Variants in RPH3AL observed in about 807,000 individuals in gnomAD.
RPH3AL encodes the protein rabphilin 3A like (without C2 domains), also known as rab effector Noc2.
A neutral mutation model predicts 43.1 loss-of-function variants in RPH3AL; 38 were observed. The observed-to-expected ratio is 0.88, with a 90% CI of 0.68 to 1.15. The LOEUF is 1.15. RPH3AL is among the 50% of genes most tolerant of loss of function. RPH3AL has a pLI of 0.00. For missense variants in RPH3AL, 462 were observed against 423.2 expected (o/e 1.09, Z -0.81); for synonymous variants, 189 against 176.3 (o/e 1.07, Z -0.57).
chr17:268,553 GTTTTTTTTT>G (rs5818749), intron 6 of RPH3AL, among the ~76,000 whole-genome samples: 3 of 74,520 alleles, frequency 4.0e-5, no homozygotes, highest in Admixed American at 2.3e-4. Flanking sequence ...ATGTTTTTGG[GTTTTTTTTT>G]TTTTTTTTTT....
chr17:213,988 A>T, intron 9 of RPH3AL, 65 bp from the exon 10 acceptor site: 6 of 1,276,312 alleles, frequency 4.7e-6, no homozygotes, highest in Non-Finnish European at 6.7e-6. Flanking sequence ...CCCCGGTGAC[A>T]GCTCGGCCTT....
intron 3 of RPH3AL, among the ~76,000 whole-genome samples, chr17:325,000 A>G (rs755061868): frequency 5.3e-5 from 8 of 152,148 alleles, no homozygotes; most frequent in Non-Finnish European, 8.8e-5. Flanking sequence ...CTGGGATTAC[A>G]GGTGTGTGCC....
At position 246,839 on chromosome 17, in the gene RPH3AL, A is replaced by C. The variant is rs1457852429; in HGVS notation, c.613+272T>G. On this transcript the variant is annotated intron_variant, in intron 7 of 9. Coordinates refer to ENST00000331302, the MANE Select transcript of RPH3AL (RefSeq NM_006987.4). This position sits in a 1 kb window ranked among gnomAD's most constrained non-coding sequence, Gnocchi z 4.8. ...GAAGATGCGTAGTGCTGCTCATGGC[A>C]TCCTTGCCCCCAGAGCAGTACTTGT... Among the ~76,000 whole-genome samples the C allele has an allele frequency of 6.6e-6, 1 of 152,208 alleles. No homozygotes were observed. The highest frequency in any genetic ancestry group is 1.5e-5 in the Non-Finnish European group (1 of 68,034).
At position 264,962 on chromosome 17, in the gene RPH3AL, T is replaced by C. The variant is rs115788684; in HGVS notation, c.438+16806A>G. On this transcript the variant is annotated intron_variant, in intron 6 of 9. Transcript: ENST00000331302. The surrounding 1 kb of genome is among the most constrained non-coding windows in gnomAD (Gnocchi z 4.8). The stretch of plus-strand genomic sequence containing the variant: ...TAAGAAATTATGCTTTGAAAGTAGA[T>C]ATAAAAGAATCAGTTAACAAAACAA... Among the ~76,000 whole-genome samples the C allele has an allele frequency of 1.7e-3, 254 of 152,310 alleles. 1 individual carries two copies. Among genetic ancestry groups the C allele is most frequent in the African/African-American group, 5.9e-3 (244 of 41,574 alleles).
At chr17:341,426 C>T (rs189484874) in intron 1 of RPH3AL, 29 of 152,326 alleles carry the variant, frequency 1.9e-4, no homozygotes, top group Admixed American at 1.6e-3. Context: ...CTTCCAACAA[C>T]ATCTGCTGGG....
At chr17:320,642 C>CA (rs539685066) in intron 4 of RPH3AL, among the ~76,000 whole-genome samples, 21 of 148,028 alleles carry the variant, frequency 1.4e-4, no homozygotes, top group African/African-American at 3.3e-4. Context: ...CTGTCCCCCC[C>CA]AAAAAAAAAA....
chr17:351,397 C>T (rs866145532), intron 1 of RPH3AL, among the ~76,000 whole-genome samples: 5 of 152,152 alleles, frequency 3.3e-5, no homozygotes, highest in African/African-American at 7.2e-5. Context: ...CTGAGACTGA[C>T]GGTCCTCCAC....
intron 6 of RPH3AL, among the ~76,000 whole-genome samples, chr17:258,958 C>G (rs563102091): frequency 6.6e-6 from 1 of 151,994 alleles, no homozygotes; most frequent in Non-Finnish European, 1.5e-5. Context: ...CAAAAAAGCC[C>G]GTCAACTTCA....
At position 266,164 on chromosome 17, in the gene RPH3AL, G is replaced by T. The variant is rs187527540; in HGVS notation, c.438+15604C>A. 1.7e-3 allele frequency among the ~76,000 whole-genome samples: 252 copies of T among 152,282 alleles called. 2 individuals carry two copies. Among genetic ancestry groups the T allele is most frequent in the Admixed American group, 5.5e-3 (84 of 15,296 alleles). The stretch of plus-strand genomic sequence containing the variant: ...TGAGACCCCTTCCAGGAGGATTCAT[G>T]TATTTGTGTTTTAAAAGATGACACT... On this transcript the variant is annotated intron_variant, in intron 6 of 9. Coordinates refer to ENST00000331302, the MANE Select transcript of RPH3AL (RefSeq NM_006987.4).
At chr17:241,587 A>G (rs1205938100) in intron 7 of RPH3AL, among the ~76,000 whole-genome samples, 4 of 152,144 alleles carry the variant, frequency 2.6e-5, no homozygotes, top group Non-Finnish European at 5.9e-5. Flanking sequence ...AGTGTTGGGT[A>G]AGAGCCTATT....
chr17:298,953 C>T (rs763863533), intron 5 of RPH3AL, among the ~76,000 whole-genome samples: 2 of 151,996 alleles, frequency 1.3e-5, no homozygotes, highest in Admixed American at 6.6e-5. Context: ...ATTTCACTCA[C>T]GCTGCTCAAG....
intron 6 of RPH3AL, among the ~76,000 whole-genome samples, chr17:253,373 C>T (rs2041960526): frequency 6.6e-6 from 1 of 152,172 alleles, no homozygotes; most frequent in African/African-American, 2.4e-5. Context: ...CCCCACAGAG[C>T]TGCATTCCCG....
intron 6 of RPH3AL, among the ~76,000 whole-genome samples, chr17:270,753 T>C (rs1292567489): frequency 6.6e-6 from 1 of 152,232 alleles, no homozygotes; most frequent in Non-Finnish European, 1.5e-5. Flanking sequence ...ATAGTTTCCT[T>C]TGCTGTGTGG....
intron 5 of RPH3AL, among the ~76,000 whole-genome samples, chr17:299,387 G>A (rs2043264899): frequency 6.8e-6 from 1 of 146,534 alleles, no homozygotes; most frequent in Non-Finnish European, 1.5e-5. Flanking sequence ...ACAAAGGTAA[G>A]AGGAGAGTCT....
rs1293944350 is a variant in RPH3AL at position 269,110 on chromosome 17, C to G, written c.438+12658G>C. 6.6e-5 allele frequency among the ~76,000 whole-genome samples: 10 copies of G among 152,254 alleles called. No homozygotes were observed. In the South Asian group the frequency reaches 8.3e-4, roughly 13 times the overall value. On this transcript the variant is annotated intron_variant, in intron 6 of 9. Coordinates refer to ENST00000331302, the MANE Select transcript of RPH3AL (RefSeq NM_006987.4). ...AGCCAGGATGGTCTCGATCTCCTGA[C>G]CTCATAATCCGCCCGCCTTGGCTTC...
At chr17:300,477 G>A (rs1555564665) in intron 5 of RPH3AL, among the ~76,000 whole-genome samples, 6 of 16,652 alleles carry the variant, frequency 3.6e-4, no homozygotes. Context: ...CCCAGCCTAG[G>A]CCTGCAGAAT....
In RPH3AL at chr17:212,698, G is replaced by GAC. The variant is rs113303746; in HGVS notation, c.*1152_*1153dup. The GAC allele has an allele frequency of 0.18, 27,292 of 151,256 alleles. 2,620 individuals carry two copies. The highest frequency in any genetic ancestry group is 0.22 in the African/African-American group (9,028 of 41,156). The allele number at this position is 151,256 out of a possible 1,614,324, so 9.4% of individuals were successfully genotyped here. A position where few individuals can be genotyped will look rare whatever the true frequency, so the allele number is the denominator to read the frequency against. On this transcript the variant is annotated 3_prime_UTR_variant, in exon 10 of 10. Coordinates refer to ENST00000331302, the MANE Select transcript of RPH3AL (RefSeq NM_006987.4). ...GGAAGGATGGGAGGGTGTGATCACC[G>GAC]ACACACACACACACGTTCTCTCTCT...
intron 7 of RPH3AL, among the ~76,000 whole-genome samples, chr17:224,992 G>A (rs1004782715): frequency 9.9e-5 from 15 of 151,278 alleles, no homozygotes; most frequent in South Asian, 2.1e-4. Flanking sequence ...GAGGGATAGC[G>A]TTAGGAGATA....
chr17:243,433 A>T, intron 7 of RPH3AL, among the ~76,000 whole-genome samples: 1 of 114,138 alleles, frequency 8.8e-6, no homozygotes, highest in East Asian at 2.6e-4. Context: ...CCCTTCCTCT[A>T]TTGATTACCT....
Sources: gnomAD v4.1 joint callset for allele counts (sites outside exome capture counted in the v4.1 genomes callset) on GRCh38, gnomAD v4.1.1 for gene constraint, Gnocchi (gnomAD v3.1) non-coding constraint, MANE v1.5 for transcripts, NCBI Gene and HGNC (gene_info 2026-07-23, HGNC 2026-07-21) for gene names.